The following MAP3K15 variants were observed in gnomAD, a reference collection of about 807,000 sequenced individuals.
MAP3K15 encodes the protein mitogen-activated protein kinase kinase kinase 15, also known as MAPK/ERK kinase kinase 15.
A neutral mutation model predicts 99.5 loss-of-function variants in MAP3K15; 124 were observed. That is an observed-to-expected ratio of 1.25 (90% CI 1.08 to 1.45). The LOEUF is 1.45. Ranked by LOEUF, MAP3K15 falls within the 40% of genes most tolerant of loss-of-function variation. The probability of loss-of-function intolerance (pLI) is 0.00; values close to 1 mark genes in which losing one functional copy is unlikely to be tolerated. For synonymous variants in MAP3K15, 494 were observed against 439.6 expected (o/e 1.12, Z -1.55); for missense variants, 1,242 against 1,079.7 (o/e 1.15, Z -2.11).
intron 18 of MAP3K15, among the ~76,000 whole-genome samples, chrX:19,387,822 G>C (rs1285297265): frequency 8.9e-6 from 1 of 112,695 alleles, no homozygotes; most frequent in Non-Finnish European, 1.9e-5. Flanking sequence ...AACAGAAAGA[G>C]ATGGAAGGAG....
Position 19,486,524 on chromosome X carries a change from G to A in MAP3K15, c.502-19C>T. 1 of 842,811 alleles carries A rather than the reference G, an allele frequency of 1.2e-6. No individual in the cohort carries two copies. Among genetic ancestry groups the A allele is most frequent in the East Asian group, 3.9e-5 (1 of 25,898 alleles). The allele number at this position is 842,811 out of a possible 1,213,427, so 69.5% of individuals were successfully genotyped here. A position where few individuals can be genotyped will look rare whatever the true frequency, so the allele number is the denominator to read the frequency against. ...CCATGTCCTGAAAAGAAAAAGAAAA[G>A]ATGAATATAGCTTTTTGTAAAACAG... On this transcript the variant is annotated intron_variant, in intron 2 of 28. Coordinates refer to ENST00000338883, the MANE Select transcript of MAP3K15 (RefSeq NM_001001671.4).
At chrX:19,407,333 C>A (rs761572688) in intron 12 of MAP3K15, 50 bp from the exon 13 acceptor site, 1 of 692,575 alleles carries the variant, frequency 1.4e-6, no homozygotes, top group Admixed American at 3.5e-5. Flanking sequence ...GATACCCACT[C>A]TAAATCTGCA....
chrX:19,384,945 T>G (rs2147236596), intron 18 of MAP3K15, among the ~76,000 whole-genome samples: 1 of 110,540 alleles, frequency 9.0e-6, no homozygotes, highest in Non-Finnish European at 1.9e-5. Context: ...ACCTGCTATA[T>G]ACCCACAAAA....
Position 19,514,882 on chromosome X carries a change from G to A in MAP3K15, c.361+19C>T. Reference sequence around the variant, plus strand: ...GGGTAGGTGAACTGGGACTGAGGTGGGGACGAAGCCGCTCTCACCTGCGTC... The same window carrying A: ...GGGTAGGTGAACTGGGACTGAGGTGAGGACGAAGCCGCTCTCACCTGCGTC... On this transcript the variant is annotated intron_variant, in intron 1 of 28. Coordinates refer to ENST00000338883, the MANE Select transcript of MAP3K15 (RefSeq NM_001001671.4). The A allele has an allele frequency of 9.5e-7, 1 of 1,049,025 alleles. No individual in the cohort carries two copies. Among genetic ancestry groups the A allele is most frequent in the East Asian group, 3.9e-5 (1 of 25,327 alleles). The allele number at this position is 1,049,025 out of a possible 1,213,427, so 86.5% of individuals were successfully genotyped here. A position where few individuals can be genotyped will look rare whatever the true frequency, so the allele number is the denominator to read the frequency against.
rs2063272525 is a variant in MAP3K15, at chrX:19,360,676, G to A, written c.*73C>T. 5.1e-6 allele frequency: 4 copies of A among 783,806 alleles called. No homozygotes were observed. In the Admixed American group the frequency reaches 7.6e-5, roughly 15 times the overall value. 64.6% of individuals were successfully genotyped at this position (783,806 alleles called of 1,213,427 possible). Reference sequence around the variant, plus strand: ...AATATGTAAACACAGCGGAATTCGTGTATACACTAACAGAAGCTTTAACAA... The same window carrying A: ...AATATGTAAACACAGCGGAATTCGTATATACACTAACAGAAGCTTTAACAA... On this transcript the variant is annotated 3_prime_UTR_variant, in exon 29 of 29. Coordinates refer to ENST00000338883, the MANE Select transcript of MAP3K15 (RefSeq NM_001001671.4).
rs772251942 is a variant in MAP3K15, at chrX:19,514,931, TCTCCCCGAAGTCCAG to T, written c.316_330del (p.Leu106_Glu110del). ...TCGTAGAAGGCGTCGAGCACGGCCGTCTCCCCGAAGTCCAGCTCCCCGAAGGGCACGGAGGTGAGG... is the reference window on the plus strand; with the variant it reads ...TCGTAGAAGGCGTCGAGCACGGCCGTCTCCCCGAAGGGCACGGAGGTGAGG... On this transcript the variant is annotated inframe_deletion, in exon 1 of 29. Transcript: ENST00000338883. 8.4e-5 allele frequency: 96 copies of T among 1,138,374 alleles called. No homozygotes were observed. Among genetic ancestry groups the T allele is most frequent in the Non-Finnish European group, 1.0e-4 (87 of 864,183 alleles). 93.8% of individuals were successfully genotyped at this position (1,138,374 alleles called of 1,213,427 possible).
chrX:19,374,773 C>T, intron 19 of MAP3K15, 113 bp from the exon 20 acceptor site: 1 of 659,231 alleles, frequency 1.5e-6, no homozygotes, highest in East Asian at 3.4e-5. Context: ...AGGCATAATC[C>T]ATGCCCCCTT....
At chrX:19,439,982 G>C (rs1348058964) in intron 6 of MAP3K15, among the ~76,000 whole-genome samples, 1 of 111,578 alleles carries the variant, frequency 9.0e-6, no homozygotes, top group Non-Finnish European at 1.9e-5. Flanking sequence ...ACTGGGGGCA[G>C]AGGGTGAGGC....
Position 19,431,593 on chromosome X carries a change from AC to A in MAP3K15, c.1010del (p.Gly337ValfsTer74). ...TGATCTGCAGAGCCTTCTCACGGTC[AC>A]CTGTGCTGTTTCTCCTGAAAGATAG... Reference protein sequence around the residue: ...AFALNRRNSTGDREKALQIML... With the variant: ...AFALNRRNSTXDREKALQIML... On this transcript the variant is annotated frameshift_variant, in exon 7 of 29. Transcript: ENST00000338883. LOFTEE classifies it high-confidence loss of function. 1 of 1,197,593 alleles carries A rather than the reference AC, an allele frequency of 8.4e-7. No individual in the cohort carries two copies. Among genetic ancestry groups the A allele is most frequent in the Non-Finnish European group, 1.1e-6 (1 of 893,826 alleles).
At chrX:19,369,301 C>T (rs192064297) in intron 24 of MAP3K15, 82 bp from the exon 25 acceptor site, 4 of 1,114,493 alleles carry the variant, frequency 3.6e-6, no homozygotes, top group African/African-American at 1.8e-5. Context: ...GTCAGCAAAC[C>T]GGGCTGTTCA....
intron 6 of MAP3K15, among the ~76,000 whole-genome samples, chrX:19,432,830 C>T (rs2063894222): frequency 9.2e-6 from 1 of 108,897 alleles, no homozygotes; most frequent in Non-Finnish European, 1.9e-5. Context: ...ATTCTTGTGC[C>T]TCAGCCTTCC....
chrX:19,371,492 C>A lies in MAP3K15; in HGVS notation c.3147G>T (p.Lys1049Asn), dbSNP rs765960183. 2 of 1,209,010 alleles carry A rather than the reference C, an allele frequency of 1.7e-6. No homozygotes were observed. The highest frequency in any genetic ancestry group is 5.9e-5 in the East Asian group (2 of 33,786). The change falls in exon 23 of 29, where the codon AAG becomes AAT. Residue 1049 changes from lysine to asparagine, a missense_variant. Physicochemically the swap from Lys to Asn is moderately conservative, Grantham distance 94. Transcript: ENST00000338883. The part of the protein sequence containing the change: ...EELHLSVGHI[K>N]QIIGILRDFI... ...AGTCCCTCAGGATCCCAATGATTTG[C>A]TTGATGTGTCCAACTGAGAGATGCA... is the stretch of plus-strand genomic sequence containing the variant.
rs1421936590 is a variant in MAP3K15 at position 19,372,775 on chromosome X, C to CCGGGGA, written c.2980_2985dup (p.Ser994_Pro995dup). 3 of 1,211,436 alleles carry CCGGGGA rather than the reference C, an allele frequency of 2.5e-6. No individual in the cohort carries two copies. On this transcript the variant is annotated inframe_insertion, in exon 22 of 29. Transcript: ENST00000338883. ...AGGAAGAGGCCCTGGTCCCTGTCCT[C>CCGGGGA]CGGGGACGAGGCCAAGCCCCGGTCT...
At chrX:19,422,254 T>A (rs1266731687) in intron 9 of MAP3K15, among the ~76,000 whole-genome samples, 1 of 111,034 alleles carries the variant, frequency 9.0e-6, no homozygotes, top group African/African-American at 3.3e-5. Context: ...ACCTACAGAA[T>A]GGGAGAAAAT....
chrX:19,413,291 A>C, intron 11 of MAP3K15, 66 bp downstream of exon 11: 1 of 847,248 alleles, frequency 1.2e-6, no homozygotes, highest in East Asian at 3.3e-5. Flanking sequence ...CTTTTCCTTC[A>C]AATACTACCA....
rs1414337681 is a variant in MAP3K15, at chrX:19,400,727, C to G, written c.1845-64G>C. On this transcript the variant is annotated intron_variant, in intron 13 of 28. Coordinates refer to ENST00000338883, the MANE Select transcript of MAP3K15 (RefSeq NM_001001671.4). ...AACTGCTCTCATTCCTTGTTTTTAA[C>G]TTAGCTTTATTAAACTGTACTTAAA... 9.1e-6 allele frequency: 7 copies of G among 768,143 alleles called. No individual in the cohort carries two copies. In the Admixed American group the frequency reaches 1.8e-4, roughly 20 times the overall value. The allele number at this position is 768,143 out of a possible 1,213,427, so 63.3% of individuals were successfully genotyped here.
rs1356363682 is a variant in MAP3K15, at chrX:19,362,722, T to C, written c.3679+16A>G. On this transcript the variant is annotated intron_variant, in intron 26 of 28. Transcript: ENST00000338883. ...TAGCTAGATGTTAAAGTCTGTCTCA[T>C]TGGAAAATGACTTACAATTCGATTT... 5 of 967,506 alleles carry C rather than the reference T, an allele frequency of 5.2e-6. No homozygotes were observed. The highest frequency in any genetic ancestry group is 2.4e-5 in the Admixed American group (1 of 42,162). 79.7% of individuals were successfully genotyped at this position (967,506 alleles called of 1,213,427 possible).
chrX:19,502,333 C>T (rs1395291761), intron 1 of MAP3K15, among the ~76,000 whole-genome samples: 2 of 110,764 alleles, frequency 1.8e-5, no homozygotes, highest in South Asian at 3.8e-4. Context: ...ATTATGGGGG[C>T]GGTTCCCCCA....
intron 6 of MAP3K15, among the ~76,000 whole-genome samples, chrX:19,435,913 G>C (rs1346191587): frequency 8.9e-6 from 1 of 112,153 alleles, no homozygotes; most frequent in African/African-American, 3.2e-5. Context: ...CAGCACTTTG[G>C]GAGGCCAAGG....
Sources: gnomAD v4.1 joint callset for allele counts (sites outside exome capture counted in the v4.1 genomes callset) on GRCh38, gnomAD v4.1.1 for gene constraint, MANE v1.5 for transcripts, NCBI Gene and HGNC (gene_info 2026-07-23, HGNC 2026-07-21) for gene names.